SNCAIP: variants seen among roughly 807,000 people sequenced by gnomAD.
SNCAIP encodes synuclein alpha interacting protein, also known as synphilin-1.
Under a neutral mutation model 86.7 loss-of-function variants are expected in SNCAIP, and 43 were observed. The ratio of observed to expected loss-of-function variants is 0.50; its 90% CI spans 0.39 to 0.64. The LOEUF (loss-of-function observed/expected upper bound fraction) is 0.64, where lower values mean the gene tolerates loss of function less well. Ranked by LOEUF, SNCAIP falls within the 30% of genes least tolerant of loss-of-function variation. The pLI is 0.00. For missense variants in SNCAIP, 981 were observed against 1,103.1 expected (o/e 0.89, Z 1.57); for synonymous variants, 417 against 427.2 (o/e 0.98, Z 0.29).
chr5:122,314,741 G>A (rs530924658), intron 1 of SNCAIP, among the ~76,000 whole-genome samples: 196 of 152,154 alleles, frequency 1.3e-3, no homozygotes, highest in African/African-American at 4.3e-3. Context: ...GCATCTTAGC[G>A]GTTTTTTACG....
chr5:122,360,740 A>G (rs937004611), intron 1 of SNCAIP, among the ~76,000 whole-genome samples: 4 of 152,214 alleles, frequency 2.6e-5, no homozygotes, highest in African/African-American at 9.6e-5. Flanking sequence ...GTAGCTGGAA[A>G]TCTACTTGTA....
At chr5:122,397,567 C>T (rs1770883586) in intron 2 of SNCAIP, among the ~76,000 whole-genome samples, 1 of 151,996 alleles carries the variant, frequency 6.6e-6, no homozygotes, top group East Asian at 1.9e-4. Flanking sequence ...GAGCAAAATT[C>T]AAATTTATTT....
intron 6 of SNCAIP, among the ~76,000 whole-genome samples, chr5:122,436,069 C>T (rs1000852128): frequency 1.3e-5 from 2 of 151,974 alleles, no homozygotes; most frequent in Non-Finnish European, 2.9e-5. Flanking sequence ...TGAGGGGATG[C>T]GCAATTGTGG....
At chr5:122,361,646 A>G (rs1762242733) in intron 1 of SNCAIP, among the ~76,000 whole-genome samples, 1 of 152,172 alleles carries the variant, frequency 6.6e-6, no homozygotes, top group East Asian at 1.9e-4. Context: ...CTGGAGAATC[A>G]GGCCTTGCTG....
At chr5:122,357,206 C>T (rs547692179) in intron 1 of SNCAIP, among the ~76,000 whole-genome samples, 1 of 152,146 alleles carries the variant, frequency 6.6e-6, no homozygotes, top group African/African-American at 2.4e-5. Context: ...AATTGTATGT[C>T]TGCCCTAATG....
chr5:122,460,570 C>T (rs1479815888), intron 10 of SNCAIP, among the ~76,000 whole-genome samples: 1 of 152,086 alleles, frequency 6.6e-6, no homozygotes, highest in East Asian at 1.9e-4. Context: ...TGCACACATT[C>T]CTGCTTCCTC....
At chr5:122,440,951 C>G (rs749837406) in intron 7 of SNCAIP, 197 bp downstream of exon 7, 5 of 593,206 alleles carry the variant, frequency 8.4e-6, no homozygotes, top group Non-Finnish European at 1.5e-5. Context: ...ATAAGAGTTT[C>G]TCTTTCAGTG....
chr5:122,384,888 G>A (rs1310651057), intron 1 of SNCAIP, among the ~76,000 whole-genome samples: 1 of 152,066 alleles, frequency 6.6e-6, no homozygotes, highest in Non-Finnish European at 1.5e-5. Context: ...TCACCATCAC[G>A]CTTCAAGACC....
intron 10 of SNCAIP, among the ~76,000 whole-genome samples, chr5:122,457,537 G>T (rs954884469): frequency 4.6e-5 from 7 of 151,900 alleles, no homozygotes; most frequent in African/African-American, 1.5e-4. Context: ...GTGCTCCGTG[G>T]TTCCTCCCCA....
At chr5:122,430,179 G>T (rs538036577) in intron 5 of SNCAIP, among the ~76,000 whole-genome samples, 161 of 152,240 alleles carry the variant, frequency 1.1e-3, no homozygotes, top group African/African-American at 3.7e-3. Context: ...TTAAATGATA[G>T]AATTCTAAAA....
chr5:122,337,233 T>G (rs751226784), intron 1 of SNCAIP, among the ~76,000 whole-genome samples: 8 of 152,314 alleles, frequency 5.3e-5, no homozygotes, highest in Non-Finnish European at 1.0e-4. Flanking sequence ...GTAATAATCA[T>G]TTTATTTATG....
chr5:122,383,821 A>T (rs1767514645), intron 1 of SNCAIP, among the ~76,000 whole-genome samples: 1 of 152,212 alleles, frequency 6.6e-6, no homozygotes, highest in African/African-American at 2.4e-5. Flanking sequence ...AAACAGTGCC[A>T]TCTTCCTTGC....
chr5:122,460,684 A>T (rs1432495795), intron 10 of SNCAIP, among the ~76,000 whole-genome samples: 1 of 152,230 alleles, frequency 6.6e-6, no homozygotes, highest in African/African-American at 2.4e-5. Context: ...ACAAGGACTC[A>T]TTATGTTGTC....
chr5:122,414,365 G>A (rs946557458), intron 3 of SNCAIP, among the ~76,000 whole-genome samples: 2 of 149,770 alleles, frequency 1.3e-5, no homozygotes, highest in South Asian at 4.3e-4. Flanking sequence ...TGAGTAGCTG[G>A]GATTACAGGC....
chr5:122,450,446 T>G (rs1335778173), intron 9 of SNCAIP, 87 bp from the exon 10 acceptor site: 1 of 891,102 alleles, frequency 1.1e-6, no homozygotes, highest in South Asian at 1.3e-5. Flanking sequence ...ACTTATACAT[T>G]ATTAGTGTCA....
intron 3 of SNCAIP, among the ~76,000 whole-genome samples, chr5:122,406,461 T>A (rs1773015697): frequency 6.6e-6 from 1 of 152,146 alleles, no homozygotes; most frequent in Non-Finnish European, 1.5e-5. Flanking sequence ...CTGATATGGT[T>A]TGGATCTCTG....
chr5:122,352,136 C>T (rs542588528), intron 1 of SNCAIP, among the ~76,000 whole-genome samples: 2 of 152,078 alleles, frequency 1.3e-5, no homozygotes, highest in Non-Finnish European at 2.9e-5. Context: ...TGTTTCTGCT[C>T]CCCTTATCAG....
At chr5:122,361,965 A>G (rs1282832689) in intron 1 of SNCAIP, among the ~76,000 whole-genome samples, 3 of 152,244 alleles carry the variant, frequency 2.0e-5, no homozygotes, top group South Asian at 4.1e-4. Flanking sequence ...CAGTTTGGGG[A>G]CAAGAAAACA....
intron 1 of SNCAIP, among the ~76,000 whole-genome samples, chr5:122,387,116 T>C (rs1291435665): frequency 6.6e-6 from 1 of 152,114 alleles, no homozygotes; most frequent in Admixed American, 6.5e-5. Context: ...AAGGGGCCTA[T>C]GATGCATAGC....
Sources: gnomAD v4.1 joint callset for allele counts (sites outside exome capture counted in the v4.1 genomes callset) on GRCh38, gnomAD v4.1.1 for gene constraint, MANE v1.5 for transcripts, NCBI Gene and HGNC (gene_info 2026-07-23, HGNC 2026-07-21) for gene names.